Variants in SGPP2 observed in about 807,000 individuals in gnomAD.
SGPP2 encodes sphingosine-1-phosphate phosphatase 2.
In SGPP2, 30 loss-of-function variants were observed where a neutral mutation model predicts 33.9. The observed-to-expected ratio is 0.89, with a 90% CI of 0.66 to 1.20. The LOEUF (loss-of-function observed/expected upper bound fraction) is 1.20. SGPP2 is among the 50% of genes most tolerant of loss of function. The probability of loss-of-function intolerance (pLI) is 0.00; values close to 1 mark genes in which losing one functional copy is unlikely to be tolerated. For missense variants in SGPP2, 458 were observed against 532.1 expected (o/e 0.86, Z 1.37); for synonymous variants, 233 against 225.0 (o/e 1.04, Z -0.32).
At chr2:222,423,989 G>C (rs533318168), upstream of SGPP2, among the ~76,000 whole-genome samples, 1 of 152,130 alleles carries the variant, frequency 6.6e-6, no homozygotes, top group Non-Finnish European at 1.5e-5. Flanking sequence ...CGGACCTCTA[G>C]GGAGACGTTG....
intron 2 of SGPP2, among the ~76,000 whole-genome samples, chr2:222,505,412 G>A (rs1210426129): frequency 6.6e-6 from 1 of 152,110 alleles, no homozygotes; most frequent in Non-Finnish European, 1.5e-5. Flanking sequence ...AACAACATGG[G>A]TTAAATCAAG....
At chr2:222,535,140 G>A (rs975926546) in intron 4 of SGPP2, among the ~76,000 whole-genome samples, 3 of 149,490 alleles carry the variant, frequency 2.0e-5, no homozygotes, top group African/African-American at 7.4e-5. Flanking sequence ...ACTTTGGGAG[G>A]CAAAGGCGGG....
chr2:222,441,240 T>C (rs1363815436), intron 1 of SGPP2, among the ~76,000 whole-genome samples: 2 of 152,218 alleles, frequency 1.3e-5, no homozygotes, highest in South Asian at 4.1e-4. Flanking sequence ...ACAATAGCCA[T>C]TCCTCACGTG....
At chr2:222,502,994 A>G (rs772810330) in intron 2 of SGPP2, among the ~76,000 whole-genome samples, 10 of 152,234 alleles carry the variant, frequency 6.6e-5, no homozygotes, top group Admixed American at 1.3e-4. Context: ...GCTGGTTGTT[A>G]AGTAATGTAT....
intron 4 of SGPP2, among the ~76,000 whole-genome samples, chr2:222,536,596 CT>C (rs1452934425): frequency 1.3e-5 from 2 of 152,172 alleles, no homozygotes; most frequent in Non-Finnish European, 2.9e-5. Flanking sequence ...ATGAGAATCG[CT>C]TGAACCCAGG....
intron 2 of SGPP2, among the ~76,000 whole-genome samples, chr2:222,511,743 T>A (rs938969436): frequency 6.6e-6 from 1 of 152,142 alleles, no homozygotes; most frequent in East Asian, 1.9e-4. Context: ...CTTGAGTGCA[T>A]CATGGCTCAC....
chr2:222,437,589 T>A (rs951988655), intron 1 of SGPP2, among the ~76,000 whole-genome samples: 2 of 152,184 alleles, frequency 1.3e-5, no homozygotes, highest in African/African-American at 4.8e-5. Context: ...CATTTCCTCA[T>A]GTAACTTACT....
intron 1 of SGPP2, among the ~76,000 whole-genome samples, chr2:222,428,769 A>G (rs1175947364): frequency 6.7e-6 from 1 of 150,284 alleles, no homozygotes; most frequent in Non-Finnish European, 1.5e-5. Flanking sequence ...GAGTGGGGGA[A>G]AAAAAACATG....
chr2:222,542,449 G>T (rs1382530629), intron 4 of SGPP2, among the ~76,000 whole-genome samples: 1 of 152,142 alleles, frequency 6.6e-6, no homozygotes, highest in Non-Finnish European at 1.5e-5. Flanking sequence ...AAATTACTGG[G>T]TCCTGAGGCA....
chr2:222,525,178 T>C, intron 4 of SGPP2, 145 bp downstream of exon 4: 1 of 619,006 alleles, frequency 1.6e-6, no homozygotes, highest in Non-Finnish European at 2.8e-6. Context: ...AAGTAATTAT[T>C]ATGTTCGGGT....
chr2:222,473,285 G>A (rs2106095023), intron 1 of SGPP2, among the ~76,000 whole-genome samples: 1 of 152,326 alleles, frequency 6.6e-6, no homozygotes, highest in African/African-American at 2.4e-5. Flanking sequence ...TCTGGAGGCT[G>A]GAGGGAAGAA....
At chr2:222,452,727 G>T in intron 1 of SGPP2, 1 of 1,400,776 alleles carries the variant, frequency 7.1e-7, no homozygotes, top group Non-Finnish European at 1.0e-6. Flanking sequence ...GCTCCACATT[G>T]GAAGGTTTCC....
intron 1 of SGPP2, among the ~76,000 whole-genome samples, chr2:222,463,201 C>G (rs935232251): frequency 1.3e-5 from 2 of 152,200 alleles, no homozygotes; most frequent in African/African-American, 4.8e-5. Context: ...CCTGACTGAT[C>G]ACGGATATCC....
chr2:222,544,553 A>C (rs992477447), intron 4 of SGPP2, among the ~76,000 whole-genome samples: 2 of 152,200 alleles, frequency 1.3e-5, no homozygotes, highest in Non-Finnish European at 2.9e-5. Context: ...TCATCTCTAG[A>C]TTATTTACAG....
chr2:222,452,984 C>T (rs1196229042), intron 1 of SGPP2: 8 of 1,587,922 alleles, frequency 5.0e-6, no homozygotes, highest in Non-Finnish European at 6.9e-6. Flanking sequence ...TGAGTACACA[C>T]AGCTGGGTGG....
chr2:222,503,891 C>A (rs1479435572), intron 2 of SGPP2: 1 of 152,132 alleles, frequency 6.6e-6, no homozygotes, highest in Non-Finnish European at 1.5e-5. Context: ...AGAGGTCACA[C>A]AGACCATAAG....
At chr2:222,438,909 A>G (rs547295282) in intron 1 of SGPP2, among the ~76,000 whole-genome samples, 2 of 152,054 alleles carry the variant, frequency 1.3e-5, no homozygotes, top group East Asian at 3.9e-4. Flanking sequence ...AATAGCCCTC[A>G]CCCTACCAGT....
chr2:222,532,387 C>T (rs1279748581), intron 4 of SGPP2, among the ~76,000 whole-genome samples: 4 of 152,222 alleles, frequency 2.6e-5, no homozygotes, highest in African/African-American at 7.2e-5. Flanking sequence ...TATCCCGCCT[C>T]TTAGGAAGTC....
chr2:222,519,454 A>G (rs989274783), intron 2 of SGPP2, among the ~76,000 whole-genome samples: 2 of 152,256 alleles, frequency 1.3e-5, no homozygotes, highest in Non-Finnish European at 2.9e-5. Context: ...TGACAAAGTA[A>G]GTTAGTCTAT....
Sources: allele counts gnomAD v4.1 joint callset (sites outside exome capture counted in the v4.1 genomes callset), GRCh38; gene constraint gnomAD v4.1.1; transcripts MANE v1.5; gene names NCBI Gene and HGNC (gene_info 2026-07-23, HGNC 2026-07-21).